Variants in PER3 observed in about 807,000 individuals in gnomAD.
PER3 encodes period circadian protein homolog 3.
Under a neutral mutation model 127.2 loss-of-function variants are expected in PER3, and 107 were observed. That is an observed-to-expected ratio of 0.84 (90% CI 0.72 to 0.99). The LOEUF is 0.99. PER3 is among the 50% of genes least tolerant of loss of function. The probability of loss-of-function intolerance (pLI) is 0.00; values close to 1 mark genes in which losing one functional copy is unlikely to be tolerated. For synonymous variants in PER3, 618 were observed against 585.8 expected (o/e 1.05, Z -0.79); for missense variants, 1,560 against 1,525.8 (o/e 1.02, Z -0.37).
intron 19 of PER3, among the ~76,000 whole-genome samples, chr1:7,834,783 T>C (rs1205269027): frequency 6.6e-6 from 1 of 152,106 alleles, no homozygotes. Flanking sequence ...ATGAGGAAAA[T>C]TTTTTTATTA....
intron 17 of PER3, 41 bp from the exon 18 acceptor site, chr1:7,827,077 G>A (rs1400130499): frequency 1.4e-6 from 2 of 1,470,980 alleles, no homozygotes; most frequent in Non-Finnish European, 1.8e-6. Context: ...TTCTTTTTGG[G>A]TTTAATTTTC....
At chr1:7,800,049 A>T (rs1405799312) in intron 7 of PER3, among the ~76,000 whole-genome samples, 1 of 152,014 alleles carries the variant, frequency 6.6e-6, no homozygotes, top group Non-Finnish European at 1.5e-5. Context: ...AAGTGCTGGG[A>T]TTATAGATGT....
intron 6 of PER3, among the ~76,000 whole-genome samples, chr1:7,795,692 C>T (rs2097142249): frequency 6.6e-6 from 1 of 152,228 alleles, no homozygotes; most frequent in South Asian, 2.1e-4. Context: ...CGGGCCACAC[C>T]ACAGGGAGCA....
chr1:7,787,233 A>G, intron 4 of PER3: 1 of 905,502 alleles, frequency 1.1e-6, no homozygotes, highest in Non-Finnish European at 1.3e-6. Context: ...TAACAACTGG[A>G]TGTTATAGAA....
At chr1:7,806,266 C>T (rs1022164313) in intron 10 of PER3, among the ~76,000 whole-genome samples, 2 of 152,122 alleles carry the variant, frequency 1.3e-5, no homozygotes, top group African/African-American at 4.8e-5. Context: ...GTCAGGTGTC[C>T]TCAGCTCTCA....
rs557691968 is a variant in PER3, at chr1:7,784,991, G to A, written c.114G>A (p.Ala38=). The change falls in exon 2 of 22, where the codon GCG becomes GCA. Residue 38 remains alanine, a synonymous_variant. Transcript: ENST00000377532. ...SPEFHLQRKL[A]DSSHSEQQDR... ...AGTTCCATCTGCAGAGGAAATTGGC[G>A]GACAGCAGCCACAGGTGACGCGCTG... 25 of 1,569,066 alleles carry A rather than the reference G, an allele frequency of 1.6e-5. No homozygotes were observed. The African/African-American group carries it at 3.5e-4, about 22-fold the overall frequency.
chr1:7,834,674 T>A (rs2097349310), intron 19 of PER3, among the ~76,000 whole-genome samples: 1 of 151,754 alleles, frequency 6.6e-6, no homozygotes, highest in African/African-American at 2.4e-5. Flanking sequence ...CCCAGGCTGG[T>A]TTCAAACTCC....
In PER3 at chr1:7,844,494, G is replaced by C. The variant is rs1435723008; in HGVS notation, c.*1739G>C. On this transcript the variant is annotated 3_prime_UTR_variant, in exon 22 of 22. Coordinates refer to ENST00000377532, the MANE Select transcript of PER3 (RefSeq NM_001377275.1). ...CTGTAGTAATAAAGTTTTTGCCACT[G>C]TAAATAAAAACAGTATCCGTAGCTA... 1 of 152,606 alleles carries C rather than the reference G, an allele frequency of 6.6e-6. No homozygotes were observed. The allele number at this position is 152,606 out of a possible 1,614,324, so 9.5% of individuals were successfully genotyped here. A position where few individuals can be genotyped will look rare whatever the true frequency, so the allele number is the denominator to read the frequency against.
At chr1:7,823,536 G>A (rs1459588323) in intron 16 of PER3, among the ~76,000 whole-genome samples, 3 of 152,206 alleles carry the variant, frequency 2.0e-5, no homozygotes, top group Middle Eastern at 3.4e-3. Flanking sequence ...CAGCTACTCA[G>A]GAGGCTGAGG....
intron 18 of PER3, among the ~76,000 whole-genome samples, chr1:7,828,486 T>C (rs2097313502): frequency 6.6e-6 from 1 of 152,254 alleles, no homozygotes; most frequent in South Asian, 2.1e-4. Context: ...AGTGTGAATA[T>C]TTACACAGAT....
rs1415381364 is a variant in PER3, at chr1:7,803,717, C to T, written c.1005C>T (p.Pro335=). 1 of 1,606,654 alleles carries T rather than the reference C, an allele frequency of 6.2e-7. No homozygotes were observed. The highest frequency in any genetic ancestry group is 1.7e-5 in the Admixed American group (1 of 59,962). The change falls in exon 10 of 22, where the codon CCC becomes CCT. Residue 335 remains proline (P), a synonymous_variant. Coordinates refer to ENST00000377532, the MANE Select transcript of PER3 (RefSeq NM_001377275.1). ...QKVLKYAGHP[P]FEHSPIRFCT... Reference sequence around the variant, plus strand: ...TTTTGAAGTATGCAGGGCATCCTCCCTTTGAACATTCTCCCATTCGATTTT... The same window carrying T: ...TTTTGAAGTATGCAGGGCATCCTCCTTTTGAACATTCTCCCATTCGATTTT...
At chr1:7,806,808 AAAAAATATAT>A (rs1219401649) in intron 10 of PER3, among the ~76,000 whole-genome samples, 1 of 60,812 alleles carries the variant, frequency 1.6e-5, no homozygotes, top group Non-Finnish European at 3.2e-5. Context: ...AAAAAAAAAA[AAAAAATATAT>A]ATATATATAT....
intron 13 of PER3, among the ~76,000 whole-genome samples, chr1:7,814,950 A>G (rs542241289): frequency 1.1e-4 from 17 of 152,320 alleles, no homozygotes; most frequent in Admixed American, 1.1e-3. Context: ...ATAAGTTAAT[A>G]GAGGAGGTAA....
chr1:7,827,460 A>C lies in PER3; in HGVS notation c.2531A>C (p.Tyr844Ser). 1 of 1,614,096 alleles carries C rather than the reference A, an allele frequency of 6.2e-7. No homozygotes were observed. The highest frequency in any genetic ancestry group is 8.5e-7 in the Non-Finnish European group (1 of 1,179,998). The change falls in exon 18 of 22, where the codon TAC becomes TCC. Residue 844 changes from tyrosine (Y) to serine (S), a missense_variant. Transcript: ENST00000377532. ...GLPLSEGLQPYPAFPFPYLDT... is the reference protein window; with the variant it reads ...GLPLSEGLQPSPAFPFPYLDT... Reference sequence around the variant, plus strand: ...CCCTTGTCCGAGGGCTTGCAGCCTTACCCAGCTTTCCCTTTTCCTTACTTG... The same window carrying C: ...CCCTTGTCCGAGGGCTTGCAGCCTTCCCCAGCTTTCCCTTTTCCTTACTTG...
chr1:7,821,750 G>C (rs555687094), intron 16 of PER3, among the ~76,000 whole-genome samples: 5 of 152,102 alleles, frequency 3.3e-5, no homozygotes, highest in Non-Finnish European at 5.9e-5. Flanking sequence ...TCTTAAATCA[G>C]CCTCAACATT....
chr1:7,823,460 C>T (rs1272387420), intron 16 of PER3, among the ~76,000 whole-genome samples: 3 of 152,032 alleles, frequency 2.0e-5, no homozygotes, highest in Non-Finnish European at 2.9e-5. Flanking sequence ...CTGACCAACA[C>T]GGAGAAACCC....
intron 13 of PER3, among the ~76,000 whole-genome samples, chr1:7,816,655 G>GT (rs1024730964): frequency 1.1e-4 from 16 of 152,270 alleles, no homozygotes; most frequent in Non-Finnish European, 2.1e-4. Flanking sequence ...GAATGGCTAA[G>GT]TTTTTTTAAA....
chr1:7,798,784 C>A, intron 7 of PER3, 111 bp downstream of exon 7: 1 of 803,212 alleles, frequency 1.2e-6, no homozygotes, highest in Non-Finnish European at 2.0e-6. Flanking sequence ...TCCAATTTGA[C>A]CCTTAAACTC....
chr1:7,795,439 A>G (rs1331968743), intron 6 of PER3, among the ~76,000 whole-genome samples: 3 of 152,226 alleles, frequency 2.0e-5, no homozygotes, highest in Non-Finnish European at 4.4e-5. Context: ...TTGCCGTTGT[A>G]TTCAGGGTGA....
Sources: allele counts gnomAD v4.1 joint callset (sites outside exome capture counted in the v4.1 genomes callset), GRCh38; gene constraint gnomAD v4.1.1; transcripts MANE v1.5; gene names NCBI Gene and HGNC (gene_info 2026-07-23, HGNC 2026-07-21).